BBS1: variants seen among roughly 807,000 people sequenced by gnomAD.
BBS1 encodes the protein Bardet-Biedl syndrome 1.
Under a neutral mutation model 73.9 loss-of-function variants are expected in BBS1, and 60 were observed. The observed-to-expected ratio is 0.81, with a 90% confidence interval of 0.66 to 1.01. The LOEUF (loss-of-function observed/expected upper bound fraction) is 1.01, where lower values mean the gene tolerates loss of function less well. BBS1 is among the 50% of genes least tolerant of loss of function. BBS1 has a pLI of 0.00. For synonymous variants in BBS1, 283 were observed against 317.4 expected (o/e 0.89, Z 1.15); for missense variants, 718 against 770.3 (o/e 0.93, Z 0.80).
chr11:66,519,488 T>TTTGTAC, intron 7 of BBS1, 129 bp from the exon 8 acceptor site: 1 of 1,335,676 alleles, frequency 7.5e-7, no homozygotes, highest in Non-Finnish European at 1.0e-6. Flanking sequence ...TACTTAAATC[T>TTTGTAC]TCTGTCACAT....
At chr11:66,529,019 A>C (rs2134825917) in intron 13 of BBS1, 1 of 853,360 alleles carries the variant, frequency 1.2e-6, no homozygotes, top group South Asian at 5.4e-5. Context: ...TCTTCATACC[A>C]GCCACAAAAA....
intron 12 of BBS1, 103 bp downstream of exon 12, chr11:66,526,295 T>C: frequency 1.6e-6 from 2 of 1,225,524 alleles, no homozygotes; most frequent in Non-Finnish European, 2.4e-6. Flanking sequence ...TGGGTGGACC[T>C]GGGTGTGGAA....
chr11:66,526,579 G>A, intron 12 of BBS1, 70 bp from the exon 13 acceptor site: 1 of 1,600,556 alleles, frequency 6.2e-7, no homozygotes, highest in Non-Finnish European at 8.6e-7. Flanking sequence ...CAGATTGTTT[G>A]GGGAAGAAAG....
chr11:66,513,685 A>G (rs1855993583), intron 3 of BBS1, among the ~76,000 whole-genome samples: 1 of 152,228 alleles, frequency 6.6e-6, no homozygotes, highest in Admixed American at 6.5e-5. Flanking sequence ...TCGCTTAAAA[A>G]TAATAAGACT....
At chr11:66,529,749 G>C (rs2134830147) in intron 13 of BBS1, 70 bp from the exon 14 acceptor site, 2 of 1,584,638 alleles carry the variant, frequency 1.3e-6, no homozygotes, top group Non-Finnish European at 1.7e-6. Context: ...CTGAGCAGGA[G>C]TGCCCCGTTG....
chr11:66,519,888 C>A (rs1290661702), intron 8 of BBS1, 140 bp downstream of exon 8: 3 of 1,147,044 alleles, frequency 2.6e-6, no homozygotes, highest in Non-Finnish European at 3.7e-6. Context: ...AGATATATAT[C>A]CAAAAATCCT....
At chr11:66,527,857 C>T (rs1856587994) in intron 13 of BBS1, among the ~76,000 whole-genome samples, 1 of 152,030 alleles carries the variant, frequency 6.6e-6, no homozygotes, top group Non-Finnish European at 1.5e-5. Context: ...CTTTGGGCTT[C>T]ACCCTAAAAG....
Position 66,529,904 on chromosome 11 carries a change from G to A in BBS1, c.1425G>A (p.Leu475=). 9 of 1,607,406 alleles carry A rather than the reference G, an allele frequency of 5.6e-6. No homozygotes were observed. The highest frequency in any genetic ancestry group is 7.6e-6 in the Non-Finnish European group (9 of 1,179,876). The part of the protein sequence containing the change: ...RAYLQALESS[L]SPLSTTAREP... ...ACCTGCAGGCCCTCGAGTCCAGCCT[G>A]AGCCCCCTGTCCACGACAGCCCGAG... The change falls in exon 14 of 17, where the codon CTG becomes CTA. Residue 475 remains leucine, a synonymous_variant. Transcript: ENST00000318312.
At chr11:66,515,366 G>A (rs1590757069) in intron 4 of BBS1, among the ~76,000 whole-genome samples, 174 bp from the exon 5 acceptor site, 2 of 152,270 alleles carry the variant, frequency 1.3e-5, no homozygotes, top group South Asian at 4.1e-4. Flanking sequence ...GATGTACATG[G>A]CCATGAGACT....
At chr11:66,527,106 G>A (rs769692207) in intron 13 of BBS1, 11 of 1,286,954 alleles carry the variant, frequency 8.5e-6, no homozygotes, top group Non-Finnish European at 1.2e-5. Flanking sequence ...ACTGGGCATG[G>A]TGGCTCACGC....
intron 7 of BBS1, among the ~76,000 whole-genome samples, chr11:66,517,507 C>T (rs1389209131): frequency 2.8e-5 from 4 of 144,488 alleles, no homozygotes; most frequent in African/African-American, 5.1e-5. Flanking sequence ...CTGGCTCTGT[C>T]GCCAGGCTGG....
Position 66,511,049 on chromosome 11 carries a change from C to T in BBS1, c.84C>T (p.Tyr28=), listed in dbSNP as rs771560964. The T allele has an allele frequency of 4.3e-6, 7 of 1,614,136 alleles. No homozygotes were observed. Among genetic ancestry groups the T allele is most frequent in the Non-Finnish European group, 5.9e-6 (7 of 1,180,038 alleles). Residue 28 remains tyrosine (Y), a synonymous_variant, in exon 2 of 17, where the codon TAC becomes TAT. Transcript: ENST00000318312. ...EANSKWLDAH[Y]DPMANIHTFS... is the part of the protein sequence containing the mutation. ...ATTCGAAGTGGTTGGATGCGCACTA[C>T]GACCCAATGGCCAATATCCACACCT...
chr11:66,515,748 G>A lies in BBS1; in HGVS notation c.518+17G>A, dbSNP rs1856036620. 1 of 1,614,052 alleles carries A rather than the reference G, an allele frequency of 6.2e-7. No individual in the cohort carries two copies. Among genetic ancestry groups the A allele is most frequent in the Admixed American group, 1.7e-5 (1 of 59,992 alleles). On this transcript the variant is annotated intron_variant, in intron 6 of 16. Coordinates refer to ENST00000318312, the MANE Select transcript of BBS1 (RefSeq NM_024649.5). Reference sequence around the variant, plus strand: ...GTCACTCAGGTAAGGACCCTGTGGAGGGCCAGGGTTTGGGAGGCTCCAGGG... The same window carrying A: ...GTCACTCAGGTAAGGACCCTGTGGAAGGCCAGGGTTTGGGAGGCTCCAGGG...
chr11:66,519,899 A>G, intron 8 of BBS1, 151 bp downstream of exon 8: 2 of 995,244 alleles, frequency 2.0e-6, no homozygotes, highest in South Asian at 1.4e-5. Context: ...CAAAAATCCT[A>G]CCGCCTATGG....
intron 13 of BBS1, 159 bp downstream of exon 13, chr11:66,526,966 A>C: frequency 6.4e-7 from 1 of 1,556,312 alleles, no homozygotes; most frequent in South Asian, 1.2e-5. Context: ...CCTAGGAGGT[A>C]CACGTTGCCT....
intron 13 of BBS1, 83 bp downstream of exon 13, chr11:66,526,890 C>G: frequency 6.2e-7 from 1 of 1,612,254 alleles, no homozygotes; most frequent in Non-Finnish European, 8.5e-7. Flanking sequence ...GCCCAGCCTC[C>G]CTGTGCACTG....
chr11:66,531,132 G>A lies in BBS1; in HGVS notation c.1608+104G>A. On this transcript the variant is annotated intron_variant, in intron 15 of 16. Transcript: ENST00000318312. Reference sequence around the variant, plus strand: ...CAGGTCAGGGTCAGAGCGTGCGGGTGGCTGCCAGGTGGCCAGCAGACCTAC... The same window carrying A: ...CAGGTCAGGGTCAGAGCGTGCGGGTAGCTGCCAGGTGGCCAGCAGACCTAC... 4 of 1,501,620 alleles carry A rather than the reference G, an allele frequency of 2.7e-6. No homozygotes were observed. The Admixed American group carries it at 5.8e-5, about 22-fold the overall frequency. The allele number at this position is 1,501,620 out of a possible 1,614,324, so 93.0% of individuals were successfully genotyped here. A position where few individuals can be genotyped will look rare whatever the true frequency, so the allele number is the denominator to read the frequency against.
chr11:66,519,151 G>A (rs1856124118), intron 7 of BBS1, among the ~76,000 whole-genome samples: 1 of 152,180 alleles, frequency 6.6e-6, no homozygotes, highest in South Asian at 2.1e-4. Flanking sequence ...TTAGGGGGCT[G>A]AGGCGGGTGG....
chr11:66,532,286 C>T lies in BBS1; in HGVS notation c.*249C>T, dbSNP rs1856819369. 1.8e-6 allele frequency: 1 copy of T among 554,826 alleles called. No homozygotes were observed. Among genetic ancestry groups the T allele is most frequent in the African/African-American group, 1.9e-5 (1 of 53,094 alleles). 34.4% of individuals were successfully genotyped at this position (554,826 alleles called of 1,614,324 possible). Reference sequence around the variant, plus strand: ...CCCACTGAAGTCCTACTACGCCCTCCCCTCCCCAGCCTTTTCCAGAAACCA... The same window carrying T: ...CCCACTGAAGTCCTACTACGCCCTCTCCTCCCCAGCCTTTTCCAGAAACCA... On this transcript the variant is annotated 3_prime_UTR_variant, in exon 17 of 17. Coordinates refer to ENST00000318312, the MANE Select transcript of BBS1 (RefSeq NM_024649.5).
Sources: allele counts gnomAD v4.1 joint callset (sites outside exome capture counted in the v4.1 genomes callset), GRCh38; gene constraint gnomAD v4.1.1; transcripts MANE v1.5; gene names NCBI Gene and HGNC (gene_info 2026-07-23, HGNC 2026-07-21).